FGF12: variants seen among roughly 807,000 people sequenced by gnomAD.
The protein encoded by FGF12 is fibroblast growth factor 12.
Under a neutral mutation model 23.6 loss-of-function variants are expected in FGF12, and 14 were observed. That is an observed-to-expected ratio of 0.59 (90% CI 0.39 to 0.93). FGF12 has a LOEUF of 0.93. FGF12 is among the 40% of genes least tolerant of loss of function. The probability of loss-of-function intolerance (pLI) is 0.00; values close to 1 mark genes in which losing one functional copy is unlikely to be tolerated. For synonymous variants in FGF12, 62 were observed against 77.3 expected (o/e 0.80, Z 1.04); for missense variants, 175 against 217.8 (o/e 0.80, Z 1.24).
In FGF12 at chr3:192,376,662, G is replaced by A. The variant is rs192301757; in HGVS notation, c.14-16124C>T. Among the ~76,000 whole-genome samples the A allele has an allele frequency of 9.9e-4, 150 of 152,210 alleles. 1 individual carries two copies. In the East Asian group the frequency reaches 0.018, roughly 18 times the overall value. On this transcript the variant is annotated intron_variant, in intron 2 of 5. Transcript: ENST00000445105. ...CAGGCGTGAGCCACCGCGCCTGACC[G>A]CTATATAATCATTTTCTTCAAAATT... is the stretch of plus-strand genomic sequence containing the variant.
intron 2 of FGF12, among the ~76,000 whole-genome samples, chr3:192,487,892 G>C (rs1217124757): frequency 6.6e-6 from 1 of 152,058 alleles, no homozygotes; most frequent in African/African-American, 2.4e-5. Flanking sequence ...CCAGTACCTA[G>C]AGTAGTGGGA....
chr3:192,155,416 G>C (rs962485338), intron 5 of FGF12, among the ~76,000 whole-genome samples: 2 of 152,212 alleles, frequency 1.3e-5, no homozygotes, highest in Admixed American at 1.3e-4. Context: ...AAGTCCCACT[G>C]TGTGTATAGG....
intron 4 of FGF12, among the ~76,000 whole-genome samples, chr3:192,293,006 C>T (rs916298168): frequency 1.4e-4 from 22 of 152,048 alleles, no homozygotes; most frequent in African/African-American, 4.8e-4. Context: ...TCTCGAACTC[C>T]TGGCCTCAAG....
At chr3:192,413,291 C>T (rs1721253073) in intron 2 of FGF12, among the ~76,000 whole-genome samples, 1 of 152,166 alleles carries the variant, frequency 6.6e-6, no homozygotes, top group Non-Finnish European at 1.5e-5. Context: ...ATTCCAGACA[C>T]TTCCACATTC....
At chr3:192,649,724 AT>A (rs3044628) in intron 2 of FGF12, among the ~76,000 whole-genome samples, 10 of 149,086 alleles carry the variant, frequency 6.7e-5, no homozygotes, top group Middle Eastern at 3.2e-3. Context: ...TGCCTGGCTA[AT>A]TTTTTTTTTA....
intron 4 of FGF12, among the ~76,000 whole-genome samples, chr3:192,197,776 C>G (rs1023640315): frequency 1.3e-5 from 2 of 151,994 alleles, no homozygotes; most frequent in Admixed American, 1.3e-4. Flanking sequence ...GAAACCCCGT[C>G]TCTTTTAAAA....
chr3:192,296,841 T>C (rs1481167045), intron 4 of FGF12, among the ~76,000 whole-genome samples: 2 of 152,198 alleles, frequency 1.3e-5, no homozygotes, highest in African/African-American at 4.8e-5. Context: ...GTGGAGTACT[T>C]AGTTTATACA....
At chr3:192,383,232 A>T (rs1398510890) in intron 2 of FGF12, among the ~76,000 whole-genome samples, 2 of 152,208 alleles carry the variant, frequency 1.3e-5, no homozygotes, top group African/African-American at 4.8e-5. Flanking sequence ...GCTAATGAAC[A>T]TACTTCTCTC....
chr3:192,617,252 G>A (rs1451225672), intron 2 of FGF12, among the ~76,000 whole-genome samples: 1 of 152,070 alleles, frequency 6.6e-6, no homozygotes, highest in East Asian at 1.9e-4. Flanking sequence ...AACCTAAAGA[G>A]AAGTTTGAAA....
At chr3:192,717,705 T>C (rs1718907085) in intron 2 of FGF12, among the ~76,000 whole-genome samples, 3 of 152,226 alleles carry the variant, frequency 2.0e-5, no homozygotes, top group African/African-American at 7.2e-5. Context: ...ACTTTTTGCA[T>C]AATACAATCT....
rs369343154 is a variant in FGF12 at position 192,458,797 on chromosome 3, AG to A, written c.14-98260del. ...TGAGGACATGAGATTTGGAGGGGCC[AG>A]GGGTGGAATGATATGGTTTCGCTGT... On this transcript the variant is annotated intron_variant, in intron 2 of 5. Transcript: ENST00000445105. 7.2e-3 allele frequency among the ~76,000 whole-genome samples: 1,092 copies of A among 152,254 alleles called. 7 individuals carry two copies. The highest frequency in any genetic ancestry group is 0.011 in the Non-Finnish European group (768 of 68,016).
chr3:192,688,446 T>A (rs1222780302), intron 2 of FGF12, among the ~76,000 whole-genome samples: 1 of 152,182 alleles, frequency 6.6e-6, no homozygotes, highest in Non-Finnish European at 1.5e-5. Context: ...AATGCTACAT[T>A]TGTAAGGCTT....
At chr3:192,178,011 G>A (rs1715953101) in intron 4 of FGF12, among the ~76,000 whole-genome samples, 1 of 151,234 alleles carries the variant, frequency 6.6e-6, no homozygotes, top group Non-Finnish European at 1.5e-5. Context: ...ACAGTTCTGG[G>A]AATTAAACAA....
At chr3:192,682,842 A>C (rs915392693) in intron 2 of FGF12, among the ~76,000 whole-genome samples, 2 of 152,218 alleles carry the variant, frequency 1.3e-5, no homozygotes, top group Non-Finnish European at 2.9e-5. Flanking sequence ...GACTTCGTTC[A>C]TGTGGCCAAT....
At chr3:192,222,945 G>C (rs1718549568) in intron 4 of FGF12, among the ~76,000 whole-genome samples, 2 of 152,112 alleles carry the variant, frequency 1.3e-5, no homozygotes, top group African/African-American at 4.8e-5. Flanking sequence ...ATGCAGTTGA[G>C]AAACTCCCCC....
intron 2 of FGF12, among the ~76,000 whole-genome samples, chr3:192,427,257 C>T (rs554992414): frequency 6.6e-6 from 1 of 151,958 alleles, no homozygotes; most frequent in East Asian, 1.9e-4. Context: ...GGCAAGCGCC[C>T]ATAATCCCAG....
chr3:192,620,993 T>C (rs1473464783), intron 2 of FGF12, among the ~76,000 whole-genome samples: 3 of 152,178 alleles, frequency 2.0e-5, no homozygotes, highest in Non-Finnish European at 4.4e-5. Context: ...ATACTACTTA[T>C]ATATTTTTAG....
At chr3:192,328,619 T>C (rs1716948748) in intron 4 of FGF12, among the ~76,000 whole-genome samples, 1 of 152,230 alleles carries the variant, frequency 6.6e-6, no homozygotes, top group Non-Finnish European at 1.5e-5. Context: ...ACCATGGTTT[T>C]CAGTGAGGTC....
At chr3:192,652,785 T>A (rs967615952) in intron 2 of FGF12, among the ~76,000 whole-genome samples, 2 of 152,206 alleles carry the variant, frequency 1.3e-5, no homozygotes, top group Admixed American at 1.3e-4. Context: ...TTGAATATCC[T>A]TATACCAAAA....
Sources: allele counts gnomAD v4.1 joint callset (sites outside exome capture counted in the v4.1 genomes callset), GRCh38; gene constraint gnomAD v4.1.1; transcripts MANE v1.5; gene names NCBI Gene and HGNC (gene_info 2026-07-23, HGNC 2026-07-21).